CDCP1: variants seen among roughly 807,000 people sequenced by gnomAD.
CDCP1 encodes the protein CUB domain containing protein 1.
CDCP1 carries 29 observed loss-of-function variants against 60.2 expected under a neutral mutation model. The ratio of observed to expected loss-of-function variants is 0.48; its 90% CI spans 0.36 to 0.66. CDCP1 has a LOEUF of 0.66. CDCP1 is among the 30% of genes least tolerant of loss of function. The pLI, the probability that CDCP1 is intolerant of heterozygous loss-of-function variation, is 0.00. For synonymous variants in CDCP1, 387 were observed against 431.1 expected, an observed-to-expected ratio of 0.90 and a Z score of 1.27; for missense variants, 876 against 1,074.3, an observed-to-expected ratio of 0.82 and a Z score of 2.58.
intron 1 of CDCP1, among the ~76,000 whole-genome samples, chr3:45,124,191 T>C (rs1698934824): frequency 6.6e-6 from 1 of 152,210 alleles, no homozygotes; most frequent in African/African-American, 2.4e-5. Context: ...CCTATTTCTT[T>C]GCAATTCTCG....
intron 4 of CDCP1, among the ~76,000 whole-genome samples, chr3:45,101,778 C>T (rs1379819792): frequency 6.6e-6 from 1 of 150,626 alleles, no homozygotes; most frequent in South Asian, 2.1e-4. Flanking sequence ...CCTAGCTACT[C>T]GGGAGGCTGA....
intron 1 of CDCP1, among the ~76,000 whole-genome samples, chr3:45,144,109 C>T (rs1436347038): frequency 1.3e-5 from 2 of 152,134 alleles, no homozygotes; most frequent in African/African-American, 4.8e-5. Flanking sequence ...GTGTTTCACT[C>T]TTGGAAATGG....
chr3:45,124,793 G>A (rs7612333), intron 1 of CDCP1, among the ~76,000 whole-genome samples: 99,854 of 151,962 alleles, frequency 0.66, 33,770 homozygotes, highest in East Asian at 0.89. Context: ...GCACACCATG[G>A]GAGCCCCAGG....
chr3:45,137,288 G>A (rs1371622327), intron 1 of CDCP1, among the ~76,000 whole-genome samples: 2 of 152,118 alleles, frequency 1.3e-5, no homozygotes, highest in African/African-American at 4.8e-5. Context: ...TTCTAATGAT[G>A]AGCATTTGGG....
intron 2 of CDCP1, among the ~76,000 whole-genome samples, chr3:45,117,629 C>G (rs1032325864): frequency 2.0e-5 from 3 of 150,052 alleles, no homozygotes; most frequent in African/African-American, 7.4e-5. Flanking sequence ...CGTAGTCTCG[C>G]TCTGTCACCC....
chr3:45,111,544 C>T (rs1003220766), intron 3 of CDCP1, among the ~76,000 whole-genome samples: 7 of 152,044 alleles, frequency 4.6e-5, no homozygotes, highest in African/African-American at 7.2e-5. Context: ...GGTGTGGTGG[C>T]GCACGACTAT....
At chr3:45,146,123 C>A in intron 1 of CDCP1, 83 bp downstream of exon 1, 5 of 1,189,514 alleles carry the variant, frequency 4.2e-6, no homozygotes, top group Non-Finnish European at 5.9e-6. Flanking sequence ...CACCCTGCGT[C>A]CCTCGGCCGC....
intron 1 of CDCP1, among the ~76,000 whole-genome samples, chr3:45,143,388 C>T (rs995917177): frequency 3.3e-5 from 5 of 152,066 alleles, no homozygotes; most frequent in Non-Finnish European, 7.3e-5. Flanking sequence ...ACTGAATAGA[C>T]CTATTAAAAT....
intron 1 of CDCP1, among the ~76,000 whole-genome samples, chr3:45,139,910 T>C (rs745912710): frequency 2.0e-5 from 3 of 152,220 alleles, no homozygotes; most frequent in Admixed American, 6.5e-5. Context: ...AGGGGCTTCA[T>C]CTTACCACCT....
chr3:45,108,866 T>C lies in CDCP1; in HGVS notation c.1024+1607A>G, dbSNP rs1466790630. ...ATGCATGTATACATATATATGCATG[T>C]ATATATATATATGCATGTATACATA... On this transcript the variant is annotated intron_variant, in intron 4 of 8. Transcript: ENST00000296129. Among the ~76,000 whole-genome samples the C allele has an allele frequency of 2.1e-4, 11 of 52,864 alleles. 4 individuals carry two copies. Among genetic ancestry groups the C allele is most frequent in the Non-Finnish European group, 3.5e-4 (9 of 25,830 alleles). The allele number at this position is 52,864 out of a possible 152,430, so 34.7% of individuals were successfully genotyped here.
intron 1 of CDCP1, among the ~76,000 whole-genome samples, chr3:45,134,830 G>T (rs187718962): frequency 1.3e-5 from 2 of 152,204 alleles, no homozygotes; most frequent in Non-Finnish European, 2.9e-5. Flanking sequence ...AGGGCCCAGG[G>T]CAGCTTCCAG....
At chr3:45,141,760 T>G (rs1421672239) in intron 1 of CDCP1, among the ~76,000 whole-genome samples, 1 of 152,188 alleles carries the variant, frequency 6.6e-6, no homozygotes, top group Non-Finnish European at 1.5e-5. Flanking sequence ...ATTACAAGGT[T>G]GTGGGAAGTG....
intron 2 of CDCP1, among the ~76,000 whole-genome samples, chr3:45,115,675 T>C (rs149719650): frequency 5.3e-5 from 8 of 152,194 alleles, no homozygotes; most frequent in African/African-American, 1.9e-4. Flanking sequence ...AGGGGAGAAT[T>C]TACACTTTAA....
rs1698523268 is a variant in CDCP1 at position 45,103,878 on chromosome 3, T to C, written c.1024+6595A>G. On this transcript the variant is annotated intron_variant, in intron 4 of 8. Coordinates refer to ENST00000296129, the MANE Select transcript of CDCP1 (RefSeq NM_022842.5). ...AATCGTGAGCCAAATAAATCTCTTT[T>C]CTTTATAAATTACCTAGTCTCAGGT... is the stretch of plus-strand genomic sequence containing the variant. Among the ~76,000 whole-genome samples the C allele has an allele frequency of 1.3e-5, 2 of 152,210 alleles. 1 individual carries two copies. Among genetic ancestry groups the C allele is most frequent in the South Asian group, 4.1e-4 (2 of 4,834 alleles).
At chr3:45,102,844 A>G (rs1698502422) in intron 4 of CDCP1, among the ~76,000 whole-genome samples, 1 of 151,858 alleles carries the variant, frequency 6.6e-6, no homozygotes, top group Non-Finnish European at 1.5e-5. Context: ...TTTTTTGTAG[A>G]GACAGGGTTT....
intron 1 of CDCP1, among the ~76,000 whole-genome samples, chr3:45,139,904 G>A (rs546536572): frequency 6.6e-6 from 1 of 152,130 alleles, no homozygotes; most frequent in African/African-American, 2.4e-5. Context: ...AAACTCAGGG[G>A]CTTCATCTTA....
Position 45,091,431 on chromosome 3 carries a change from T to G in CDCP1, c.1735A>C (p.Ser579Arg). The G allele has an allele frequency of 6.2e-7, 1 of 1,613,260 alleles. No individual in the cohort carries two copies. The highest frequency in any genetic ancestry group is 8.5e-7 in the Non-Finnish European group (1 of 1,179,628). The change falls in exon 7 of 9, where the codon AGC (serine) becomes CGC (arginine). Residue 579 changes from serine to arginine, a missense_variant. Ser to Arg is a moderately radical substitution (Grantham distance 110, BLOSUM62 -1). Transcript: ENST00000296129. This position sits in a 1 kb window ranked among gnomAD's most constrained non-coding sequence, Gnocchi z 4.8. ...PSLTSVSWNI[S>R]VPRDQVACLT... Reference sequence around the variant, plus strand: ...CAGGCCACCTGGTCTCTGGGCACGCTGATGTTCCAGGACACAGAGGTGAGG... The same window carrying G: ...CAGGCCACCTGGTCTCTGGGCACGCGGATGTTCCAGGACACAGAGGTGAGG...
Position 45,144,496 on chromosome 3 carries a change from A to G in CDCP1, c.82+1710T>C, listed in dbSNP as rs569594253. Among the ~76,000 whole-genome samples, 13 of 152,294 alleles carry G rather than the reference A, an allele frequency of 8.5e-5. No homozygotes were observed. In the South Asian group the frequency reaches 2.5e-3, roughly 29 times the overall value. On this transcript the variant is annotated intron_variant, in intron 1 of 8. Transcript: ENST00000296129. ...AGGTTTCTACGTATTTATGTATTGA[A>G]CCATGAGACAGGGCTCAGCCAGTCA...
rs117004504 is a variant in CDCP1 at position 45,102,926 on chromosome 3, C to T, written c.1025-7358G>A. ...ATATGCCTGCCTCGGCCTCCCAAAG[C>T]GTTGGGATTACAGGCGTGAGCCACC... is the stretch of plus-strand genomic sequence containing the variant. On this transcript the variant is annotated intron_variant, in intron 4 of 8. Coordinates refer to ENST00000296129, the MANE Select transcript of CDCP1 (RefSeq NM_022842.5). Among the ~76,000 whole-genome samples, 58 of 151,148 alleles carry T rather than the reference C, an allele frequency of 3.8e-4. No individual in the cohort carries two copies. The East Asian group carries it at 7.9e-3, about 21-fold the overall frequency.
Sources: gnomAD v4.1 joint callset for allele counts (sites outside exome capture counted in the v4.1 genomes callset) on GRCh38, gnomAD v4.1.1 for gene constraint, Gnocchi (gnomAD v3.1) non-coding constraint, MANE v1.5 for transcripts, NCBI Gene and HGNC (gene_info 2026-07-23, HGNC 2026-07-21) for gene names.